CTNNA2: variants seen among roughly 807,000 people sequenced by gnomAD.
CTNNA2 encodes catenin alpha-2.
CTNNA2 carries 42 observed loss-of-function variants against 101.0 expected under a neutral mutation model. That is an observed-to-expected ratio of 0.42 (90% CI 0.32 to 0.54). CTNNA2 has a LOEUF of 0.54. Among genes scored for constraint, CTNNA2 ranks in the 20% least tolerant of loss-of-function variants. The pLI is 0.14. For missense variants in CTNNA2, 871 were observed against 1,223.1 expected, an observed-to-expected ratio of 0.71 and a Z score of 4.29; for synonymous variants, 450 against 456.4, an observed-to-expected ratio of 0.99 and a Z score of 0.18.
chr2:80,018,571 T>C (rs938102690), intron 7 of CTNNA2, among the ~76,000 whole-genome samples: 1 of 152,050 alleles, frequency 6.6e-6, no homozygotes, highest in African/African-American at 2.4e-5. Context: ...GGTTGGGAAA[T>C]CAAGACCATC....
At chr2:79,346,303 T>A (rs549466415) in intron 3 of CTNNA2, among the ~76,000 whole-genome samples, 9 of 152,276 alleles carry the variant, frequency 5.9e-5, no homozygotes, top group African/African-American at 2.2e-4. Context: ...TTAGTGTTAT[T>A]AGTATTATTT....
chr2:79,541,914 C>T (rs138002581), intron 1 of CTNNA2, among the ~76,000 whole-genome samples: 2,608 of 152,136 alleles, frequency 0.017, 34 homozygotes, highest in Non-Finnish European at 0.03. Context: ...CGTGAGCCAC[C>T]GTGCCTGGCC....
At chr2:80,350,905 A>G (rs1161714382) in intron 7 of CTNNA2, among the ~76,000 whole-genome samples, 1 of 152,152 alleles carries the variant, frequency 6.6e-6, no homozygotes, top group Non-Finnish European at 1.5e-5. Context: ...GGGGGACTTT[A>G]GTAAAAACTC....
At chr2:80,077,932 C>T (rs765449560) in intron 7 of CTNNA2, among the ~76,000 whole-genome samples, 11 of 152,020 alleles carry the variant, frequency 7.2e-5, no homozygotes, top group Non-Finnish European at 1.5e-5. Flanking sequence ...AAAATAAGTA[C>T]ATTATATAAC....
At chr2:80,415,148 T>C (rs1334207870) in intron 8 of CTNNA2, among the ~76,000 whole-genome samples, 1 of 152,208 alleles carries the variant, frequency 6.6e-6, no homozygotes, top group Non-Finnish European at 1.5e-5. Flanking sequence ...TAATGCACAA[T>C]ACTGGGTCAG....
At position 79,620,845 on chromosome 2, in the gene CTNNA2, A is replaced by G. The variant is rs74498988; in HGVS notation, c.-5-30707A>G. The stretch of plus-strand genomic sequence containing the variant: ...CATCATGTGGGAGCCAGACTTGGAC[A>G]GTATAAAAATCCCGGTTATAAAAAG... On this transcript the variant is annotated intron_variant, in intron 1 of 18. Coordinates refer to ENST00000402739, the MANE Select transcript of CTNNA2 (RefSeq NM_001282597.3). Among the ~76,000 whole-genome samples, 962 of 152,314 alleles carry G rather than the reference A, an allele frequency of 6.3e-3. 7 individuals are homozygous for G. The highest frequency in any genetic ancestry group is 0.022 in the African/African-American group (905 of 41,568).
At chr2:79,670,365 A>G (rs1465639352) in intron 2 of CTNNA2, among the ~76,000 whole-genome samples, 2 of 152,118 alleles carry the variant, frequency 1.3e-5, no homozygotes, top group African/African-American at 4.8e-5. Context: ...CCTCCTGGGT[A>G]GGGCTCCTGA....
intron 2 of CTNNA2, among the ~76,000 whole-genome samples, chr2:79,665,383 C>T (rs552175424): frequency 6.6e-6 from 1 of 152,276 alleles, no homozygotes; most frequent in East Asian, 1.9e-4. Context: ...GTATGTGTTA[C>T]ATTTATTACC....
At chr2:79,676,938 G>C (rs955700925) in intron 2 of CTNNA2, among the ~76,000 whole-genome samples, 1 of 151,996 alleles carries the variant, frequency 6.6e-6, no homozygotes, top group Non-Finnish European at 1.5e-5. Flanking sequence ...CTATTCCCCT[G>C]TCATCCTCAA....
At chr2:80,626,875 C>T (rs116560355) in intron 18 of CTNNA2, among the ~76,000 whole-genome samples, 6 of 151,926 alleles carry the variant, frequency 3.9e-5, no homozygotes, top group African/African-American at 1.2e-4. Flanking sequence ...GCCCCCTACC[C>T]CCTGACAGGC....
At position 80,305,375 on chromosome 2, in the gene CTNNA2, G is replaced by A. The variant is rs1259780238; in HGVS notation, c.1057-87836G>A. Reference sequence around the variant, plus strand: ...CTGAGATCCCTCCGGGGCTTCATCAGGCTCCACAGATACATATGGGGTACA... The same window carrying A: ...CTGAGATCCCTCCGGGGCTTCATCAAGCTCCACAGATACATATGGGGTACA... On this transcript the variant is annotated intron_variant, in intron 7 of 18. Coordinates refer to ENST00000402739, the MANE Select transcript of CTNNA2 (RefSeq NM_001282597.3). 3.0e-6 allele frequency: 3 copies of A among 985,110 alleles called. No individual in the cohort carries two copies. In the African/African-American group the frequency reaches 5.2e-5, roughly 17 times the overall value. The allele number at this position is 985,110 out of a possible 1,614,324, so 61.0% of individuals were successfully genotyped here. A position where few individuals can be genotyped will look rare whatever the true frequency, so the allele number is the denominator to read the frequency against.
At chr2:79,948,547 TAA>T (rs1558665797) in intron 7 of CTNNA2, among the ~76,000 whole-genome samples, 1 of 152,222 alleles carries the variant, frequency 6.6e-6, no homozygotes, top group Non-Finnish European at 1.5e-5. Context: ...TTTGTTTTGT[TAA>T]AAGAGAAGAT....
intron 3 of CTNNA2, among the ~76,000 whole-genome samples, chr2:79,357,086 G>C (rs918217273): frequency 6.6e-5 from 10 of 152,122 alleles, no homozygotes; most frequent in Non-Finnish European, 1.5e-5. Context: ...TAACACTCTG[G>C]GAGACCAAGG....
At chr2:79,239,511 C>T (rs1309654454) in intron 2 of CTNNA2, among the ~76,000 whole-genome samples, 2 of 152,074 alleles carry the variant, frequency 1.3e-5, no homozygotes, top group Admixed American at 1.3e-4. Flanking sequence ...CAGAGAAAGA[C>T]TCCAGCTCAA....
intron 14 of CTNNA2, among the ~76,000 whole-genome samples, chr2:80,586,937 A>T (rs1490899438): frequency 1.3e-5 from 2 of 152,124 alleles, no homozygotes; most frequent in East Asian, 1.9e-4. Context: ...TAGGCAACTC[A>T]TGTCTATGGC....
chr2:80,634,446 G>C (rs1177098412), intron 18 of CTNNA2, among the ~76,000 whole-genome samples: 1 of 151,808 alleles, frequency 6.6e-6, no homozygotes, highest in Non-Finnish European at 1.5e-5. Context: ...TGGTCTTTCT[G>C]AGCAGTAAAC....
At chr2:80,075,922 A>G (rs950743767) in intron 7 of CTNNA2, among the ~76,000 whole-genome samples, 9 of 151,682 alleles carry the variant, frequency 5.9e-5, no homozygotes, top group Non-Finnish European at 1.3e-4. Context: ...CACTAGTTAC[A>G]AGCATGTGTA....
rs140326014 is a variant in CTNNA2 at position 79,368,593 on chromosome 2, G to C, written c.-317-5238G>C. Among the ~76,000 whole-genome samples the C allele has an allele frequency of 3.6e-3, 547 of 152,254 alleles. 5 individuals carry two copies. Among genetic ancestry groups the C allele is most frequent in the Middle Eastern group, 0.01 (3 of 294 alleles). On this transcript the variant is annotated intron_variant, in intron 3 of 21. Transcript: ENST00000466387. ...TGATGCTTCCCCCGAACCACCATGG[G>C]CTCTCTGAACCTGGAAATGGAAAGA... is the stretch of plus-strand genomic sequence containing the variant.
chr2:80,387,896 C>A (rs1189152611), intron 7 of CTNNA2, among the ~76,000 whole-genome samples: 1 of 152,074 alleles, frequency 6.6e-6, no homozygotes, highest in African/African-American at 2.4e-5. Context: ...GGGAAGGTGC[C>A]CACAGCAATG....
Sources: gnomAD v4.1 joint callset for allele counts (sites outside exome capture counted in the v4.1 genomes callset) on GRCh38, gnomAD v4.1.1 for gene constraint, MANE v1.5 for transcripts, NCBI Gene and HGNC (gene_info 2026-07-23, HGNC 2026-07-21) for gene names.